Variants in ZNF710 observed in about 807,000 individuals in gnomAD.
The protein encoded by ZNF710 is zinc finger protein 710.
ZNF710 carries 13 observed loss-of-function variants against 50.6 expected under a neutral mutation model. The ratio of observed to expected loss-of-function variants is 0.26; its 90% CI spans 0.17 to 0.41. The LOEUF (loss-of-function observed/expected upper bound fraction) is 0.41, where lower values mean the gene tolerates loss of function less well. Among genes scored for constraint, ZNF710 ranks in the 10% least tolerant of loss-of-function variants. The pLI, the probability that ZNF710 is intolerant of heterozygous loss-of-function variation, is 1.00. For synonymous variants in ZNF710, 383 were observed against 397.0 expected (o/e 0.96, Z 0.42); for missense variants, 721 against 936.6 (o/e 0.77, Z 3.01).
intron 2 of ZNF710, among the ~76,000 whole-genome samples, chr15:90,069,229 A>T: frequency 8.9e-6 from 1 of 112,588 alleles, no homozygotes; most frequent in Admixed American, 8.8e-5. Context: ...ACTCCATCTC[A>T]AAAAAAAAAA....
At chr15:90,057,808 C>T (rs1899871008) in intron 1 of ZNF710, among the ~76,000 whole-genome samples, 1 of 152,036 alleles carries the variant, frequency 6.6e-6, no homozygotes, top group Non-Finnish European at 1.5e-5. Context: ...TTTAACTGGT[C>T]TAGAGTGAGA....
In ZNF710 at chr15:90,051,005, G is replaced by T. The variant is rs34513782; in HGVS notation, c.-28-16105G>T. Among the ~76,000 whole-genome samples, 3 of 152,026 alleles carry T rather than the reference G, an allele frequency of 2.0e-5. No homozygotes were observed. In the East Asian group the frequency reaches 5.8e-4, roughly 29 times the overall value. On this transcript the variant is annotated intron_variant, in intron 1 of 4. Coordinates refer to ENST00000268154, the MANE Select transcript of ZNF710 (RefSeq NM_198526.4). ...TGTAATCCCAGCACTTTGGGAGGCC[G>T]AGGTGGGCGGATCACTTGAGGTCAG...
In ZNF710 at chr15:90,040,706, C is replaced by G. The variant is rs117790436; in HGVS notation, c.-28-26404C>G. On this transcript the variant is annotated intron_variant, in intron 1 of 4. Transcript: ENST00000268154. This position sits in a 1 kb window ranked among gnomAD's most constrained non-coding sequence, Gnocchi z 4.6. The stretch of plus-strand genomic sequence containing the variant: ...TAAAGCAGCAGGCCCCGCCCCACCT[C>G]GCTCCCCAACTCCAGCCCTCCAGCC... Among the ~76,000 whole-genome samples, 3 of 152,332 alleles carry G rather than the reference C, an allele frequency of 2.0e-5. No homozygotes were observed. Among genetic ancestry groups the G allele is most frequent in the Admixed American group, 1.3e-4 (2 of 15,298 alleles).
intron 1 of ZNF710, among the ~76,000 whole-genome samples, chr15:90,003,248 C>T (rs1369044661): frequency 6.6e-6 from 1 of 152,170 alleles, no homozygotes; most frequent in Admixed American, 6.6e-5. Flanking sequence ...AGCTGCAGGC[C>T]GAGTGCCCAC....
intron 4 of ZNF710, among the ~76,000 whole-genome samples, chr15:90,079,095 G>A (rs755578688): frequency 6.6e-6 from 1 of 152,284 alleles, no homozygotes; most frequent in Admixed American, 6.5e-5. Flanking sequence ...TCACCCTCCC[G>A]CAGTGTGAGG....
In ZNF710 at chr15:90,034,197, C is replaced by T. The variant is rs184150488; in HGVS notation, c.-29+32583C>T. ...TGGGTGACAGAGTGAGACTCTGTCT[C>T]AAAAAAAAAGAAAAGAAAAGAAAAG... On this transcript the variant is annotated intron_variant, in intron 1 of 4. Transcript: ENST00000268154. This position sits in a 1 kb window ranked among gnomAD's most constrained non-coding sequence, Gnocchi z 4.0. Among the ~76,000 whole-genome samples the T allele has an allele frequency of 3.7e-3, 514 of 137,792 alleles. 4 individuals are homozygous for T. The highest frequency in any genetic ancestry group is 0.015 in the African/African-American group (500 of 34,238). 90.4% of individuals were successfully genotyped at this position (137,792 alleles called of 152,430 possible).
chr15:90,056,749 A>G lies in ZNF710; in HGVS notation c.-28-10361A>G, dbSNP rs61446292. ...ATCATAGGCGGCACATTACTCCTGT[A>G]CTTAGCATCAAAGAGAAGCTACCAT... On this transcript the variant is annotated intron_variant, in intron 1 of 4. Coordinates refer to ENST00000268154, the MANE Select transcript of ZNF710 (RefSeq NM_198526.4). Among the ~76,000 whole-genome samples the G allele has an allele frequency of 7.7e-3, 1,175 of 152,320 alleles. 23 individuals carry two copies. Among genetic ancestry groups the G allele is most frequent in the African/African-American group, 0.027 (1,128 of 41,572 alleles).
At chr15:90,021,038 G>A (rs192448535) in intron 1 of ZNF710, among the ~76,000 whole-genome samples, 4 of 152,030 alleles carry the variant, frequency 2.6e-5, no homozygotes, top group Admixed American at 2.0e-4. Context: ...CCTGGGGGAC[G>A]TCAGCTCCAA....
rs1304775509 is a variant in ZNF710, at chr15:90,073,104, C to A, written c.1492C>A (p.Arg498=). The change falls in exon 3 of 5, where the codon CGG becomes AGG. Residue 498 remains arginine, a synonymous_variant. Coordinates refer to ENST00000268154, the MANE Select transcript of ZNF710 (RefSeq NM_198526.4). ...VKEFKCEVCG[R]EFTLQANMKR... ...GGAGTTCAAGTGCGAGGTGTGTGGC[C>A]GGGAGTTCACCCTACAGGCGAACAT... is the stretch of plus-strand genomic sequence containing the variant. 6 of 1,614,052 alleles carry A rather than the reference C, an allele frequency of 3.7e-6. No individual in the cohort carries two copies. Among genetic ancestry groups the A allele is most frequent in the Non-Finnish European group, 5.1e-6 (6 of 1,180,008 alleles).
chr15:90,032,050 G>A lies in ZNF710; in HGVS notation c.-29+30436G>A, dbSNP rs368490989. ...GTCTCGCTGTCGCCCAGGCTGGAGT[G>A]CAGTGGCGCGATCTCAGCTCACTGC... is the stretch of plus-strand genomic sequence containing the variant. On this transcript the variant is annotated intron_variant, in intron 1 of 4. Coordinates refer to ENST00000268154, the MANE Select transcript of ZNF710 (RefSeq NM_198526.4). Among the ~76,000 whole-genome samples the A allele has an allele frequency of 3.3e-5, 5 of 152,358 alleles. No individual in the cohort carries two copies. The East Asian group carries it at 7.7e-4, about 24-fold the overall frequency.
chr15:90,079,345 A>T (rs1900666883), intron 4 of ZNF710, among the ~76,000 whole-genome samples: 1 of 152,178 alleles, frequency 6.6e-6, no homozygotes, highest in South Asian at 2.1e-4. Context: ...AGTAGGGCTT[A>T]GTGACTTTGA....
rs1225663361 is a variant in ZNF710 at position 90,040,487 on chromosome 15, T to C, written c.-28-26623T>C. Among the ~76,000 whole-genome samples, 3 of 152,142 alleles carry C rather than the reference T, an allele frequency of 2.0e-5. No individual in the cohort carries two copies. The highest frequency in any genetic ancestry group is 4.4e-5 in the Non-Finnish European group (3 of 68,008). On this transcript the variant is annotated intron_variant, in intron 1 of 4. Transcript: ENST00000268154. This position sits in a 1 kb window ranked among gnomAD's most constrained non-coding sequence, Gnocchi z 4.6. Reference sequence around the variant, plus strand: ...TTTCTTGAAGGAATTTCTGTTCTCATCAGTTCATAAGCACAGTGCCCCTTC... The same window carrying C: ...TTTCTTGAAGGAATTTCTGTTCTCACCAGTTCATAAGCACAGTGCCCCTTC...
chr15:90,003,495 C>T (rs1898066345), intron 1 of ZNF710, among the ~76,000 whole-genome samples: 1 of 152,104 alleles, frequency 6.6e-6, no homozygotes, highest in Non-Finnish European at 1.5e-5. Flanking sequence ...TTCATTTCTG[C>T]CAAGTAGAGG....
At chr15:90,050,142 C>T (rs532795831) in intron 1 of ZNF710, among the ~76,000 whole-genome samples, 5 of 152,336 alleles carry the variant, frequency 3.3e-5, no homozygotes, top group East Asian at 1.9e-4. Flanking sequence ...GAAGGCATTA[C>T]GTGAATGAGA....
At chr15:90,000,138 C>G (rs897807286), upstream of ZNF710, among the ~76,000 whole-genome samples, 4 of 152,176 alleles carry the variant, frequency 2.6e-5, no homozygotes, top group Non-Finnish European at 5.9e-5. Flanking sequence ...ATGTGACCAA[C>G]TTTGCTTTGG....
chr15:90,018,201 C>G (rs1047889531), intron 1 of ZNF710, among the ~76,000 whole-genome samples: 3 of 139,490 alleles, frequency 2.2e-5, no homozygotes, highest in Non-Finnish European at 3.0e-5. Flanking sequence ...TGGAGTCTTG[C>G]TCTGTCACCC....
intron 1 of ZNF710, among the ~76,000 whole-genome samples, chr15:90,041,956 G>A (rs1899309547): frequency 6.9e-6 from 1 of 144,390 alleles, no homozygotes; most frequent in South Asian, 2.2e-4. Context: ...TGAGTGCAGT[G>A]GCATGATCTC....
intron 1 of ZNF710, among the ~76,000 whole-genome samples, chr15:90,016,144 A>G (rs1401351636): frequency 2.0e-5 from 3 of 152,028 alleles, no homozygotes; most frequent in Admixed American, 2.0e-4. Flanking sequence ...TGCACATACT[A>G]CCTAATAATT....
At position 90,030,329 on chromosome 15, in the gene ZNF710, C is replaced by CAAAAAAAAA. The variant is rs10685083; in HGVS notation, c.-29+28731_-29+28739dup. 2.5e-3 allele frequency among the ~76,000 whole-genome samples: 128 copies of CAAAAAAAAA among 50,394 alleles called. 1 individual carries two copies. The highest frequency in any genetic ancestry group is 2.8e-3 in the Non-Finnish European group (80 of 28,132). The allele number at this position is 50,394 out of a possible 152,430, so 33.1% of individuals were successfully genotyped here. A position where few individuals can be genotyped will look rare whatever the true frequency, so the allele number is the denominator to read the frequency against. On this transcript the variant is annotated intron_variant, in intron 1 of 4. Coordinates refer to ENST00000268154, the MANE Select transcript of ZNF710 (RefSeq NM_198526.4). ...GGGCAACAAGAGCAAAACTCCATCT[C>CAAAAAAAAA]AAAAAAAAAAAAAAAAAAAAAAAAG...
Sources: gnomAD v4.1 joint callset for allele counts (sites outside exome capture counted in the v4.1 genomes callset) on GRCh38, gnomAD v4.1.1 for gene constraint, Gnocchi (gnomAD v3.1) non-coding constraint, MANE v1.5 for transcripts, NCBI Gene and HGNC (gene_info 2026-07-23, HGNC 2026-07-21) for gene names.